Variants in PRTFDC1 observed in about 807,000 individuals in gnomAD.
PRTFDC1 encodes the protein phosphoribosyl transferase domain containing 1.
A neutral mutation model predicts 34.6 loss-of-function variants in PRTFDC1; 38 were observed. That is an observed-to-expected ratio of 1.10 (90% confidence interval 0.85 to 1.44). PRTFDC1 has a LOEUF of 1.44. PRTFDC1 is among the 40% of genes most tolerant of loss of function. The pLI is 0.00. For synonymous variants in PRTFDC1, 93 were observed against 98.1 expected, an observed-to-expected ratio of 0.95 and a Z score of 0.31; for missense variants, 270 against 283.0, an observed-to-expected ratio of 0.95 and a Z score of 0.33.
At chr10:24,849,956 T>G in intron 8 of PRTFDC1, 65 bp from the exon 9 acceptor site, 1 of 1,491,800 alleles carries the variant, frequency 6.7e-7, no homozygotes, top group Non-Finnish European at 9.3e-7. Context: ...GAAAAGGTGA[T>G]GCAGTAATAA....
chr10:24,923,453 A>G (rs1006584085), intron 3 of PRTFDC1, among the ~76,000 whole-genome samples: 6 of 152,198 alleles, frequency 3.9e-5, no homozygotes, highest in Non-Finnish European at 7.3e-5. Context: ...CTTCCAGAGG[A>G]AGGATCAGGC....
intron 4 of PRTFDC1, 112 bp from the exon 5 acceptor site, chr10:24,858,521 C>T (rs1276615724): frequency 3.1e-5 from 33 of 1,055,208 alleles, no homozygotes; most frequent in Non-Finnish European, 4.2e-5. Flanking sequence ...GACGGTCCTT[C>T]CCCATCCATC....
rs569424742 is a variant in PRTFDC1 at position 24,908,383 on chromosome 10, C to T, written c.339+28801G>A. 2.9e-5 allele frequency: 37 copies of T among 1,284,726 alleles called. No homozygotes were observed. In the African/African-American group the frequency reaches 2.9e-4, roughly 10 times the overall value. 79.6% of individuals were successfully genotyped at this position (1,284,726 alleles called of 1,614,324 possible). A position where few individuals can be genotyped will look rare whatever the true frequency, so the allele number is the denominator to read the frequency against. On this transcript the variant is annotated intron_variant, in intron 3 of 8. Transcript: ENST00000320152. ...TCATAACCTCAAGCAAGAAGAAATA[C>T]ATCATCCAGCAGACACAGTGTCCAG...
intron 3 of PRTFDC1, among the ~76,000 whole-genome samples, chr10:24,894,744 CATAGG>C (rs1169833429): frequency 6.6e-6 from 1 of 152,202 alleles, no homozygotes; most frequent in Non-Finnish European, 1.5e-5. Flanking sequence ...TGGGAGACAG[CATAGG>C]ATAGTGGTTA....
At chr10:24,851,557 G>A in intron 7 of PRTFDC1, 93 bp from the exon 8 acceptor site, 2 of 1,533,080 alleles carry the variant, frequency 1.3e-6, no homozygotes, top group Non-Finnish European at 1.7e-6. Context: ...ACTCAAACTT[G>A]AGGACCTTTC....
At chr10:24,946,271 GT>G (rs947304318) in intron 1 of PRTFDC1, among the ~76,000 whole-genome samples, 7 of 152,030 alleles carry the variant, frequency 4.6e-5, no homozygotes, top group African/African-American at 1.7e-4. Context: ...CTGAGATCCA[GT>G]TTCCCCTTGC....
Position 24,896,611 on chromosome 10 carries a change from C to G in PRTFDC1, c.340-24548G>C, listed in dbSNP as rs556012353. 2.0e-5 allele frequency among the ~76,000 whole-genome samples: 3 copies of G among 152,288 alleles called. No individual in the cohort carries two copies. In the South Asian group the frequency reaches 6.2e-4, roughly 32 times the overall value. Reference sequence around the variant, plus strand: ...GAGAAAAAGATGAAAGCAAATGCATCTTATTTGGAGGCACTTCAGAGGAAA... The same window carrying G: ...GAGAAAAAGATGAAAGCAAATGCATGTTATTTGGAGGCACTTCAGAGGAAA... On this transcript the variant is annotated intron_variant, in intron 3 of 8. Transcript: ENST00000320152.
At chr10:24,922,946 C>T (rs1389415311) in intron 3 of PRTFDC1, among the ~76,000 whole-genome samples, 1 of 152,224 alleles carries the variant, frequency 6.6e-6, no homozygotes, top group Non-Finnish European at 1.5e-5. Context: ...TGTCCAAATA[C>T]TGCACTTTTC....
intron 3 of PRTFDC1, among the ~76,000 whole-genome samples, chr10:24,914,530 A>C (rs1208387566): frequency 1.3e-5 from 2 of 152,192 alleles, no homozygotes; most frequent in Admixed American, 1.3e-4. Context: ...GCACACTCTC[A>C]GGCAGCAAGG....
intron 3 of PRTFDC1, among the ~76,000 whole-genome samples, chr10:24,880,841 T>TA (rs1848062068): frequency 6.8e-6 from 1 of 147,426 alleles, no homozygotes; most frequent in South Asian, 2.2e-4. Flanking sequence ...CTTTCTTTCT[T>TA]TCTTTCTTTC....
chr10:24,931,287 A>G (rs1169414469), intron 3 of PRTFDC1, among the ~76,000 whole-genome samples: 1 of 152,136 alleles, frequency 6.6e-6, no homozygotes, highest in Non-Finnish European at 1.5e-5. Context: ...AAAATAAGAA[A>G]ATCTCAAATC....
At chr10:24,894,055 G>T (rs530131366) in intron 3 of PRTFDC1, among the ~76,000 whole-genome samples, 1 of 152,170 alleles carries the variant, frequency 6.6e-6, no homozygotes, top group African/African-American at 2.4e-5. Flanking sequence ...TTCATTGGCC[G>T]GGCGCGGTGG....
chr10:24,873,235 AAAAC>A (rs1331677952), intron 3 of PRTFDC1, among the ~76,000 whole-genome samples: 1 of 152,156 alleles, frequency 6.6e-6, no homozygotes, highest in Admixed American at 6.5e-5. Flanking sequence ...GAAACCTCAC[AAAAC>A]AAACAAACAA....
At chr10:24,885,182 C>T (rs1279800438) in intron 3 of PRTFDC1, among the ~76,000 whole-genome samples, 1 of 152,208 alleles carries the variant, frequency 6.6e-6, no homozygotes, top group African/African-American at 2.4e-5. Context: ...GTGGATCTGC[C>T]TTTGTATTCT....
At chr10:24,885,291 T>C (rs1848147183) in intron 3 of PRTFDC1, among the ~76,000 whole-genome samples, 1 of 152,200 alleles carries the variant, frequency 6.6e-6, no homozygotes, top group Non-Finnish European at 1.5e-5. Context: ...GTAAGCACAT[T>C]ACTTACATGA....
intron 3 of PRTFDC1, among the ~76,000 whole-genome samples, chr10:24,909,246 A>C (rs1302795023): frequency 6.6e-6 from 1 of 152,160 alleles, no homozygotes; most frequent in Non-Finnish European, 1.5e-5. Context: ...GTGTCATTGC[A>C]CTCCAGCCTG....
chr10:24,945,227 T>A (rs558357315), intron 1 of PRTFDC1, among the ~76,000 whole-genome samples: 1 of 152,238 alleles, frequency 6.6e-6, no homozygotes, highest in African/African-American at 2.4e-5. Flanking sequence ...TGATTCATTG[T>A]TGAATCCCTC....
intron 3 of PRTFDC1, among the ~76,000 whole-genome samples, chr10:24,906,821 G>A (rs563918230): frequency 1.3e-5 from 2 of 152,306 alleles, no homozygotes; most frequent in Non-Finnish European, 2.9e-5. Context: ...TCCCGTGTGA[G>A]CATCACAATC....
chr10:24,940,464 A>G (rs1288525228), intron 2 of PRTFDC1, among the ~76,000 whole-genome samples: 5 of 152,258 alleles, frequency 3.3e-5, no homozygotes, highest in African/African-American at 7.2e-5. Flanking sequence ...TAACAAGTAT[A>G]CTAATGATTA....
Sources: gnomAD v4.1 joint callset for allele counts (sites outside exome capture counted in the v4.1 genomes callset) on GRCh38, gnomAD v4.1.1 for gene constraint, MANE v1.5 for transcripts, NCBI Gene and HGNC (gene_info 2026-07-23, HGNC 2026-07-21) for gene names.